Variants in UGT1A6 observed in about 807,000 individuals in gnomAD.
The protein encoded by UGT1A6 is UDP glucuronosyltransferase family 1 member A6.
A neutral mutation model predicts 44.4 loss-of-function variants in UGT1A6; 32 were observed. That is an observed-to-expected ratio of 0.72 (90% CI 0.54 to 0.97). UGT1A6 has a LOEUF of 0.97. Among genes scored for constraint, UGT1A6 ranks in the 50% least tolerant of loss-of-function variants. The pLI, the probability that UGT1A6 is intolerant of heterozygous loss-of-function variation, is 0.00. For missense variants in UGT1A6, 685 were observed against 661.9 expected (o/e 1.03, Z -0.38); for synonymous variants, 238 against 248.5 (o/e 0.96, Z 0.40).
chr2:233,730,291 G>T (rs962328046), intron 1 of UGT1A6, among the ~76,000 whole-genome samples: 2 of 152,200 alleles, frequency 1.3e-5, no homozygotes, highest in African/African-American at 4.8e-5. Context: ...CTTCATGGTT[G>T]TGCATGTCCT....
chr2:233,708,590 G>A (rs7572563), intron 1 of UGT1A6: 87,007 of 151,994 alleles, frequency 0.57, 26,864 homozygotes, highest in African/African-American at 0.82. Flanking sequence ...CTTCACTACA[G>A]AAAGTAAAAA....
Position 233,772,277 on chromosome 2 carries a change from C to G in UGT1A6, c.1317C>G (p.Ile439Met). 1 of 1,614,240 alleles carries G rather than the reference C, an allele frequency of 6.2e-7. No individual in the cohort carries two copies. Among genetic ancestry groups the G allele is most frequent in the Non-Finnish European group, 8.5e-7 (1 of 1,180,042 alleles). Residue 439 changes from isoleucine (I) to methionine (M), a missense_variant, in exon 5 of 5, where the codon ATC (isoleucine) becomes ATG (methionine). Ile to Met is a conservative substitution (Grantham distance 10). Transcript: ENST00000305139. Reference protein sequence around the residue: ...VINDKSYKENIMRLSSLHKDR... With the variant: ...VINDKSYKENMMRLSSLHKDR... ...TTGTGTTTAGTTACAAGGAGAACAT[C>G]ATGCGCCTCTCCAGCCTTCACAAGG...
At chr2:233,723,454 C>T (rs1160822962) in intron 1 of UGT1A6, among the ~76,000 whole-genome samples, 1 of 139,308 alleles carries the variant, frequency 7.2e-6, no homozygotes, top group African/African-American at 2.8e-5. Context: ...AGGTGATCCA[C>T]CCGCCTCAGC....
intron 1 of UGT1A6, among the ~76,000 whole-genome samples, chr2:233,759,961 C>T (rs1009122794): frequency 6.6e-6 from 1 of 152,158 alleles, no homozygotes; most frequent in Non-Finnish European, 1.5e-5. Context: ...ACATAGTCGT[C>T]CTTCTTCCTC....
intron 1 of UGT1A6, among the ~76,000 whole-genome samples, chr2:233,702,018 GAC>G (rs2075665639): frequency 6.6e-6 from 1 of 151,686 alleles, no homozygotes. Context: ...AGGAAATAGA[GAC>G]ACAAAAAAAA....
chr2:233,749,891 C>A (rs769638729), intron 1 of UGT1A6, among the ~76,000 whole-genome samples: 71 of 152,066 alleles, frequency 4.7e-4, no homozygotes, highest in Admixed American at 1.4e-3. Context: ...CTGAGGCTCC[C>A]CCCTCCAGCC....
At position 233,728,107 on chromosome 2, in the gene UGT1A6, C is replaced by T. The variant is rs144723980; in HGVS notation, c.861+34242C>T. On this transcript the variant is annotated intron_variant, in intron 1 of 4. Transcript: ENST00000305139. ...CCTTTAGAAAGGCACATATTTAATT[C>T]TCCATCTTGAAATTTGGACTAGGGC... Among the ~76,000 whole-genome samples, 25 of 152,336 alleles carry T rather than the reference C, an allele frequency of 1.6e-4. No individual in the cohort carries two copies. In the East Asian group the frequency reaches 4.2e-3, roughly 26 times the overall value.
chr2:233,759,624 A>G (rs1433114385), intron 1 of UGT1A6, among the ~76,000 whole-genome samples: 1 of 80,994 alleles, frequency 1.2e-5, no homozygotes, highest in Non-Finnish European at 2.2e-5. Context: ...CCACCTGTTC[A>G]TTTCCTTCTT....
chr2:233,707,058 A>C (rs1363542701), intron 1 of UGT1A6, among the ~76,000 whole-genome samples: 1 of 152,162 alleles, frequency 6.6e-6, no homozygotes, highest in Non-Finnish European at 1.5e-5. Flanking sequence ...TCAGGTGGAC[A>C]GAGTCCCATC....
At chr2:233,765,419 T>G (rs970448073) in intron 1 of UGT1A6, among the ~76,000 whole-genome samples, 3 of 152,166 alleles carry the variant, frequency 2.0e-5, no homozygotes, top group Non-Finnish European at 4.4e-5. Context: ...TGGAATACTA[T>G]GCAGCCATAA....
chr2:233,767,947 C>T lies in UGT1A6; in HGVS notation c.1081+11C>T, dbSNP rs61764033. On this transcript the variant is annotated intron_variant, in intron 3 of 4. Coordinates refer to ENST00000305139, the MANE Select transcript of UGT1A6 (RefSeq NM_001072.4). ...AAAACGATCTGCTTGGTATGTTGGG[C>T]GGATTGGATGTATAGGTCAAACCAG... 4.4e-5 allele frequency: 71 copies of T among 1,614,092 alleles called. No individual in the cohort carries two copies. Among genetic ancestry groups the T allele is most frequent in the Middle Eastern group, 1.6e-4 (1 of 6,062 alleles).
chr2:233,691,825 G>A (rs1224480587), upstream of UGT1A6: 1 of 175,252 alleles, frequency 5.7e-6, no homozygotes, highest in African/African-American at 2.4e-5. Context: ...CTAAAGGCAA[G>A]TAACAGTTTG....
At chr2:233,724,307 C>A (rs2077214825) in intron 1 of UGT1A6, among the ~76,000 whole-genome samples, 1 of 146,936 alleles carries the variant, frequency 6.8e-6, no homozygotes, top group Non-Finnish European at 1.5e-5. Flanking sequence ...CCACCTCCCT[C>A]CCGGACGGGG....
chr2:233,744,202 G>A (rs982618462), intron 1 of UGT1A6, among the ~76,000 whole-genome samples: 3 of 151,822 alleles, frequency 2.0e-5, no homozygotes, highest in Non-Finnish European at 4.4e-5. Flanking sequence ...AAAAAGGATG[G>A]GAAAAAGAGG....
At chr2:233,738,611 A>C (rs1411128815) in intron 1 of UGT1A6, among the ~76,000 whole-genome samples, 2 of 152,250 alleles carry the variant, frequency 1.3e-5, no homozygotes, top group Admixed American at 6.5e-5. Flanking sequence ...TTAGCAAAGA[A>C]ACTCGTGGCA....
intron 1 of UGT1A6, among the ~76,000 whole-genome samples, chr2:233,749,628 C>A (rs1475485120): frequency 6.6e-6 from 1 of 151,798 alleles, no homozygotes; most frequent in Non-Finnish European, 1.5e-5. Context: ...GGCTCTGTAT[C>A]CCCCACCAAA....
At chr2:233,726,442 TC>T (rs1229144566) in intron 1 of UGT1A6, among the ~76,000 whole-genome samples, 1 of 152,218 alleles carries the variant, frequency 6.6e-6, no homozygotes, top group Non-Finnish European at 1.5e-5. Flanking sequence ...TCTTATTCTT[TC>T]CACTGAATGT....
intron 1 of UGT1A6, chr2:233,747,495 G>A (rs1693698744): frequency 6.2e-7 from 1 of 1,608,584 alleles, no homozygotes; most frequent in African/African-American, 1.3e-5. Flanking sequence ...CCTTGTGCTG[G>A]GCCACACTCA....
chr2:233,750,583 G>C (rs1175695662), intron 1 of UGT1A6: 1 of 151,928 alleles, frequency 6.6e-6, no homozygotes, highest in Non-Finnish European at 1.5e-5. Context: ...TCACAGGCCT[G>C]GAGGCCTAGG....
Sources: gnomAD v4.1 joint callset for allele counts (sites outside exome capture counted in the v4.1 genomes callset) on GRCh38, gnomAD v4.1.1 for gene constraint, MANE v1.5 for transcripts, NCBI Gene and HGNC (gene_info 2026-07-23, HGNC 2026-07-21) for gene names.